NRG1: variants seen among roughly 807,000 people sequenced by gnomAD.
NRG1 encodes neuregulin 1.
Under a neutral mutation model 63.8 loss-of-function variants are expected in NRG1, and 18 were observed. The ratio of observed to expected loss-of-function variants is 0.28; its 90% confidence interval spans 0.19 to 0.42. The LOEUF (loss-of-function observed/expected upper bound fraction) is 0.42. Ranked by LOEUF, NRG1 falls within the 10% of genes least tolerant of loss-of-function variation. The pLI, the probability that NRG1 is intolerant of heterozygous loss-of-function variation, is 1.00. For missense variants in NRG1, 762 were observed against 814.7 expected, an observed-to-expected ratio of 0.94 and a Z score of 0.79; for synonymous variants, 302 against 301.3, an observed-to-expected ratio of 1.00 and a Z score of -0.02.
chr8:32,525,391 G>GGGGTGT (rs201406545), intron 1 of NRG1, among the ~76,000 whole-genome samples: 177 of 145,888 alleles, frequency 1.2e-3, no homozygotes, highest in Middle Eastern at 3.5e-3. Context: ...ATGAGGTAGG[G>GGGGTGT]GTGTGTGTGT....
chr8:32,024,099 A>G (rs1192448018), intron 1 of NRG1, among the ~76,000 whole-genome samples: 1 of 152,060 alleles, frequency 6.6e-6, no homozygotes, highest in Non-Finnish European at 1.5e-5. Context: ...CCCTGCCTAA[A>G]CTGTAGTTTC....
intron 1 of NRG1, chr8:32,061,632 G>A (rs575049048): frequency 6.6e-6 from 1 of 152,080 alleles, no homozygotes; most frequent in South Asian, 2.1e-4. Flanking sequence ...TAGCAGACAG[G>A]TTCCCAGTCC....
At chr8:32,502,921 A>G (rs1828034204) in intron 1 of NRG1, among the ~76,000 whole-genome samples, 1 of 152,194 alleles carries the variant, frequency 6.6e-6, no homozygotes. Context: ...TCCTAACAGT[A>G]CAACTTCTCA....
chr8:32,218,955 A>G (rs1427371465), intron 1 of NRG1, among the ~76,000 whole-genome samples: 2 of 152,124 alleles, frequency 1.3e-5, no homozygotes, highest in Non-Finnish European at 2.9e-5. Flanking sequence ...CACAGAAGAC[A>G]TTTACCGAGT....
At chr8:31,682,466 A>G (rs945318711) in intron 1 of NRG1, among the ~76,000 whole-genome samples, 4 of 152,200 alleles carry the variant, frequency 2.6e-5, no homozygotes, top group Non-Finnish European at 5.9e-5. Flanking sequence ...AGGGCTGTGC[A>G]TATAATAAAG....
At chr8:31,914,883 CAT>C (rs1833250229) in intron 1 of NRG1, among the ~76,000 whole-genome samples, 1 of 151,898 alleles carries the variant, frequency 6.6e-6, no homozygotes, top group African/African-American at 2.4e-5. Flanking sequence ...GATCATGAAA[CAT>C]ATTTTATTGC....
intron 1 of NRG1, among the ~76,000 whole-genome samples, chr8:31,943,371 G>A (rs539905550): frequency 2.6e-5 from 4 of 152,104 alleles, no homozygotes; most frequent in South Asian, 2.1e-4. Context: ...ATTGGACTTC[G>A]GGGACTTGCA....
chr8:32,657,788 G>A (rs1184972787), intron 5 of NRG1, among the ~76,000 whole-genome samples: 1 of 152,174 alleles, frequency 6.6e-6, no homozygotes, highest in Non-Finnish European at 1.5e-5. Context: ...ATGATGCTAA[G>A]TACTGCCTAC....
rs560240311 is a variant in NRG1 at position 31,727,858 on chromosome 8, C to G, written c.37+88427C>G. On this transcript the variant is annotated intron_variant, in intron 1 of 10. Transcript: ENST00000519301. ...ATAGTAAAACAATTGTAACAGTATA[C>G]CAACATCACTGCTCTTGTACTTCGA... is the stretch of plus-strand genomic sequence containing the variant. Among the ~76,000 whole-genome samples the G allele has an allele frequency of 2.6e-5, 4 of 152,098 alleles. No individual in the cohort carries two copies. The South Asian group carries it at 8.3e-4, about 32-fold the overall frequency.
chr8:31,897,799 G>A (rs1394993975), intron 1 of NRG1, among the ~76,000 whole-genome samples: 8 of 151,684 alleles, frequency 5.3e-5, no homozygotes, highest in African/African-American at 7.3e-5. Flanking sequence ...CAGATCACCC[G>A]AGGTCAGGAG....
chr8:32,731,856 T>C (rs905433153), intron 6 of NRG1, among the ~76,000 whole-genome samples: 3 of 152,192 alleles, frequency 2.0e-5, no homozygotes, highest in African/African-American at 4.8e-5. Context: ...AGCTAAGCAT[T>C]GCTGAAGCAT....
intron 1 of NRG1, among the ~76,000 whole-genome samples, chr8:32,262,002 A>G (rs796844613): frequency 1.6e-4 from 25 of 152,252 alleles, no homozygotes; most frequent in African/African-American, 5.8e-4. Flanking sequence ...TTCAAACCCT[A>G]GATCTGCCAC....
intron 1 of NRG1, among the ~76,000 whole-genome samples, chr8:32,519,831 G>A (rs1365597850): frequency 3.3e-5 from 5 of 152,054 alleles, no homozygotes; most frequent in Admixed American, 3.3e-4. Context: ...TTTTTCAGAA[G>A]CTCCCCCAAA....
At chr8:31,743,377 T>C (rs1815497341) in intron 1 of NRG1, among the ~76,000 whole-genome samples, 1 of 151,990 alleles carries the variant, frequency 6.6e-6, no homozygotes, top group African/African-American at 2.4e-5. Flanking sequence ...TGAGTTCAAG[T>C]TTGTACTATT....
rs545573289 is a variant in NRG1 at position 31,940,250 on chromosome 8, C to G, written c.37+300819C>G. On this transcript the variant is annotated intron_variant, in intron 1 of 10. Transcript: ENST00000519301. ...ATTGCAAATCAACTCCTAAAGGCATCCCCAAACCATACAAATACATGCAAA... is the reference window on the plus strand; with the variant it reads ...ATTGCAAATCAACTCCTAAAGGCATGCCCAAACCATACAAATACATGCAAA... Among the ~76,000 whole-genome samples the G allele has an allele frequency of 1.8e-4, 28 of 152,152 alleles. No homozygotes were observed. The South Asian group carries it at 4.0e-3, about 21-fold the overall frequency.
intron 1 of NRG1, among the ~76,000 whole-genome samples, chr8:31,728,148 G>T (rs996521336): frequency 1.3e-5 from 2 of 152,152 alleles, no homozygotes; most frequent in African/African-American, 4.8e-5. Flanking sequence ...AAGTGAAACT[G>T]CAGATATGGG....
chr8:32,766,935 C>T (rs182895214), exon 12 of NRG1: 3 of 152,216 alleles, frequency 2.0e-5, no homozygotes, highest in Admixed American at 6.5e-5. Context: ...CAGTGGCGAT[C>T]GGAGTGTGAA....
At chr8:32,297,428 C>G (rs2129474702) in intron 1 of NRG1, among the ~76,000 whole-genome samples, 1 of 151,736 alleles carries the variant, frequency 6.6e-6, no homozygotes, top group East Asian at 2.1e-4. Flanking sequence ...AATGTATAAT[C>G]AGTTACTCAA....
Position 32,698,422 on chromosome 8 carries a change from T to C in NRG1, c.503-29527T>C, listed in dbSNP as rs143827543. On this transcript the variant is annotated intron_variant, in intron 5 of 11. Coordinates refer to ENST00000356819, the Ensembl canonical transcript of NRG1. ...GTCATGCAGGCAGACAGGGTCTTCT[T>C]AGTATCAAGGACTGATTTTGATAAT... is the stretch of plus-strand genomic sequence containing the variant. 1.4e-3 allele frequency among the ~76,000 whole-genome samples: 206 copies of C among 152,270 alleles called. 1 individual carries two copies. The highest frequency in any genetic ancestry group is 4.7e-3 in the African/African-American group (196 of 41,562).
Sources: gnomAD v4.1 joint callset for allele counts (sites outside exome capture counted in the v4.1 genomes callset) on GRCh38, gnomAD v4.1.1 for gene constraint, MANE v1.5 for transcripts, NCBI Gene and HGNC (gene_info 2026-07-23, HGNC 2026-07-21) for gene names.